Variants in L1CAM observed in about 807,000 individuals in gnomAD.
L1CAM encodes neural cell adhesion molecule L1.
Under a neutral mutation model 93.0 loss-of-function variants are expected in L1CAM, and 8 were observed. That is an observed-to-expected ratio of 0.09 (90% confidence interval 0.05 to 0.16). L1CAM has a LOEUF of 0.16. Among genes scored for constraint, L1CAM ranks in the 10% least tolerant of loss-of-function variants. The pLI, the probability that L1CAM is intolerant of heterozygous loss-of-function variation, is 1.00. For synonymous variants in L1CAM, 453 were observed against 453.0 expected, an observed-to-expected ratio of 1.00 and a Z score of 0.00; for missense variants, 777 against 1,073.4, an observed-to-expected ratio of 0.72 and a Z score of 3.86.
At chrX:153,884,012 C>G in intron 1 of L1CAM, 1 of 352,061 alleles carries the variant, frequency 2.8e-6, no homozygotes, top group Non-Finnish European at 5.6e-6. Flanking sequence ...CTGGGAGAGG[C>G]CGATTGGGGG....
At chrX:153,882,533 A>T (rs1479128047) in intron 1 of L1CAM, among the ~76,000 whole-genome samples, 2 of 107,870 alleles carry the variant, frequency 1.9e-5, no homozygotes, top group Admixed American at 9.9e-5. Context: ...CACACACACA[A>T]ATACACACAC....
At chrX:153,874,209 T>C (rs1557093966) in intron 2 of L1CAM, among the ~76,000 whole-genome samples, 1 of 112,828 alleles carries the variant, frequency 8.9e-6, no homozygotes, top group Admixed American at 9.2e-5. Context: ...CACTGCCCAC[T>C]GTGTCGTATC....
In L1CAM at chrX:153,865,482, C is replaced by T; in HGVS notation, c.2566G>A (p.Gly856Ser). 3 of 1,211,076 alleles carry T rather than the reference C, an allele frequency of 2.5e-6. No homozygotes were observed. The highest frequency in any genetic ancestry group is 3.4e-6 in the Non-Finnish European group (3 of 895,002). ...CTCTTGCTGTGCTTCCTCTGACTGC[C>T]CTCCCTCCAGTACGTCACCTGCACA... ...RGYNVTYWRE[G>S]SQRKHSKRHI... The change falls in exon 21 of 29, where the codon GGC becomes AGC. Residue 856 changes from glycine to serine, a missense_variant. Gly to Ser is a moderately conservative substitution (Grantham distance 56). Transcript: ENST00000370060.
chrX:153,867,444 G>T lies in L1CAM; in HGVS notation c.2049C>A (p.Val683=). The change falls in exon 17 of 29, where the codon GTC becomes GTA. Residue 683 remains valine, a synonymous_variant. Transcript: ENST00000370060. The part of the protein sequence containing the change: ...TSTTLKLSPY[V]HYTFRVTAIN... Reference sequence around the variant, plus strand: ...TGGCAGTAACCCTAAAGGTGTAGTGGACATAGGGCGACAGCTTGAGGGTGG... The same window carrying T: ...TGGCAGTAACCCTAAAGGTGTAGTGTACATAGGGCGACAGCTTGAGGGTGG... 1 of 1,206,467 alleles carries T rather than the reference G, an allele frequency of 8.3e-7. No homozygotes were observed. Among genetic ancestry groups the T allele is most frequent in the Non-Finnish European group, 1.1e-6 (1 of 890,526 alleles).
intron 2 of L1CAM, 61 bp downstream of exon 2, chrX:153,875,700 G>A: frequency 9.8e-7 from 1 of 1,016,514 alleles, no homozygotes; most frequent in Non-Finnish European, 1.4e-6. Context: ...GGAGGTAGAA[G>A]ATAAAGAGGG....
In L1CAM at chrX:153,868,640, G is replaced by T. The variant is rs782742819; in HGVS notation, c.1467C>A (p.Ala489=). The T allele has an allele frequency of 2.5e-6, 3 of 1,211,295 alleles. No individual in the cohort carries two copies. Among genetic ancestry groups the T allele is most frequent in the Non-Finnish European group, 2.2e-6 (2 of 895,084 alleles). The change falls in exon 13 of 29, where the codon GCC becomes GCA. Residue 489 remains alanine, a synonymous_variant. Transcript: ENST00000370060. The part of the protein sequence containing the change: ...NGTLGIRDLQ[A]NDTGRYFCLA... ...GGCAGAAGTAGCGTCCGGTGTCATT[G>T]GCCTGGAGGTCTCGAATGCCCAGGG...
intron 1 of L1CAM, 169 bp downstream of exon 1, chrX:153,885,896 G>T: frequency 1.2e-6 from 1 of 814,247 alleles, no homozygotes; most frequent in Non-Finnish European, 1.5e-6. Flanking sequence ...AGCCCGCGGT[G>T]CCCGGAGCCC....
In L1CAM at chrX:153,867,096, C is replaced by T. The variant is rs782112760; in HGVS notation, c.2166G>A (p.Lys722=). The T allele has an allele frequency of 4.1e-6, 5 of 1,210,593 alleles. No individual in the cohort carries two copies. The Admixed American group carries it at 1.1e-4, about 26-fold the overall frequency. Reference sequence around the variant, plus strand: ...TATTGGTGGTCTCATTTCCTTCCCCCTTCACATCCACAGGGTTCTTCTCTG... The same window carrying T: ...TATTGGTGGTCTCATTTCCTTCCCCTTTCACATCCACAGGGTTCTTCTCTG... ...AAPEKNPVDV[K]GEGNETTNMV... Residue 722 remains lysine, a synonymous_variant, in exon 18 of 29, where the codon AAG becomes AAA. Transcript: ENST00000370060.
intron 28 of L1CAM, 76 bp downstream of exon 28, chrX:153,863,292 G>C: frequency 1.8e-6 from 2 of 1,093,182 alleles, no homozygotes; most frequent in Middle Eastern, 6.3e-4. Context: ...GGCAGCCAGG[G>C]GACAATGGCA....
At position 153,870,082 on chromosome X, in the gene L1CAM, C is replaced by T. The variant is rs868978717; in HGVS notation, c.965G>A (p.Arg322Gln). ...CLAENSLGSA[R>Q]HAYYVTVEAA... Reference sequence around the variant, plus strand: ...CTCCACGGTGACATAGTACGCATGCCGGGCACTGCCCAGTGAGTTCTCGGC... The same window carrying T: ...CTCCACGGTGACATAGTACGCATGCTGGGCACTGCCCAGTGAGTTCTCGGC... The change falls in exon 9 of 29, where the codon CGG becomes CAG. Residue 322 changes from arginine (R) to glutamine (Q), a missense_variant. Transcript: ENST00000370060. The T allele has an allele frequency of 1.7e-5, 20 of 1,211,803 alleles. No homozygotes were observed. Among genetic ancestry groups the T allele is most frequent in the South Asian group, 3.5e-5 (2 of 57,006 alleles).
chrX:153,884,502 GTGTCCTACAATAAGATGTATTAC>G (rs1557096540), intron 1 of L1CAM: 1 of 229,008 alleles, frequency 4.4e-6, no homozygotes, highest in African/African-American at 2.9e-5. Flanking sequence ...TATATTTCAA[GTGTCCTACAATAAGATGTATTAC>G]TTTCGGGATC....
intron 17 of L1CAM, 61 bp downstream of exon 17, chrX:153,867,295 C>A: frequency 9.2e-7 from 1 of 1,087,950 alleles, no homozygotes; most frequent in Non-Finnish European, 1.3e-6. Flanking sequence ...TCTCTAAGCC[C>A]TCCCTTCACA....
In L1CAM at chrX:153,885,491, G is replaced by GC. The variant is rs1272253839; in HGVS notation, c.-109+573dup. 8 of 834,918 alleles carry GC rather than the reference G, an allele frequency of 9.6e-6. No individual in the cohort carries two copies. In the East Asian group the frequency reaches 2.4e-4, roughly 25 times the overall value. The allele number at this position is 834,918 out of a possible 1,213,427, so 68.8% of individuals were successfully genotyped here. On this transcript the variant is annotated intron_variant, in intron 1 of 28. Coordinates refer to ENST00000370060, the MANE Select transcript of L1CAM (RefSeq NM_001278116.2). ...TGGAAAGAAGAAGGAGGAGAACAAA[G>GC]CCCCCCCAACCTTGGGGCGGAGGGG...
chrX:153,875,439 C>A (rs1557094244), intron 2 of L1CAM, among the ~76,000 whole-genome samples: 2 of 111,569 alleles, frequency 1.8e-5, no homozygotes, highest in African/African-American at 3.3e-5. Flanking sequence ...GTGGGGCGGG[C>A]AGAGATGGGG....
intron 1 of L1CAM, among the ~76,000 whole-genome samples, chrX:153,882,022 C>G: frequency 9.0e-6 from 1 of 111,585 alleles, no homozygotes; most frequent in South Asian, 3.8e-4. Flanking sequence ...GGAGCCCAGC[C>G]TGGGGCAGGG....
At chrX:153,866,588 A>G in intron 19 of L1CAM, 61 bp downstream of exon 19, 1 of 862,037 alleles carries the variant, frequency 1.2e-6, no homozygotes, top group Non-Finnish European at 1.7e-6. Context: ...AGGTGTGGAC[A>G]TGGGCTGGGG....
chrX:153,861,943 G>A lies in L1CAM; in HGVS notation c.*720C>T, dbSNP rs1470772910. On this transcript the variant is annotated 3_prime_UTR_variant, in exon 29 of 29. Coordinates refer to ENST00000370060, the MANE Select transcript of L1CAM (RefSeq NM_001278116.2). ...GGCGGCTGGAAGAGGCCGGCCAGTGGGCAGTGGGAGGAGGTGTGCCCGCCC... is the reference window on the plus strand; with the variant it reads ...GGCGGCTGGAAGAGGCCGGCCAGTGAGCAGTGGGAGGAGGTGTGCCCGCCC... The A allele has an allele frequency of 9.0e-6, 1 of 111,297 alleles. No homozygotes were observed. The highest frequency in any genetic ancestry group is 3.3e-5 in the African/African-American group (1 of 30,488). 9.2% of individuals were successfully genotyped at this position (111,297 alleles called of 1,213,427 possible).
At chrX:153,875,494 G>A (rs1166533093) in intron 2 of L1CAM, 8 of 469,988 alleles carry the variant, frequency 1.7e-5, no homozygotes, top group African/African-American at 1.7e-4. Flanking sequence ...TCGGGGCCCT[G>A]CTCCAGGTTC....
rs2064725459 is a variant in L1CAM, at chrX:153,867,527, C to T, written c.1966G>A (p.Glu656Lys). 1 of 1,211,221 alleles carries T rather than the reference C, an allele frequency of 8.3e-7. No individual in the cohort carries two copies. Among genetic ancestry groups the T allele is most frequent in the East Asian group, 3.0e-5 (1 of 33,872 alleles). Residue 656 changes from glutamate (E) to lysine (K), a missense_variant, in exon 17 of 29, where the codon GAA (glutamate) becomes AAA (lysine). By Grantham distance (56) the Glu-to-Lys change is moderately conservative. Around this residue, in one of 5 missense-constraint regions of L1CAM, gnomAD observed 574 missense variants for 781.0 expected, o/e 0.73. Coordinates refer to ENST00000370060, the MANE Select transcript of L1CAM (RefSeq NM_001278116.2). ...EKYDIEFEDKEMAPEKWYSLG... is the reference protein window; with the variant it reads ...EKYDIEFEDKKMAPEKWYSLG... ...CTGTACCATTTTTCAGGCGCCATTT[C>T]CTTGTCCTCAAATTCAATGTCATAT... is the stretch of plus-strand genomic sequence containing the variant.
Sources: gnomAD v4.1 joint callset for allele counts (sites outside exome capture counted in the v4.1 genomes callset) on GRCh38, gnomAD v4.1.1 for gene constraint, gnomAD v4.1.1 regional missense constraint, MANE v1.5 for transcripts, NCBI Gene and HGNC (gene_info 2026-07-23, HGNC 2026-07-21) for gene names.